The following EMILIN2 variants were observed in gnomAD, a reference collection of about 807,000 sequenced individuals.
EMILIN2 encodes the protein elastin microfibril interfacer 2, also known as EMILIN-2.
In EMILIN2, 71 loss-of-function variants were observed where a neutral mutation model predicts 87.1. The observed-to-expected ratio is 0.82, with a 90% CI of 0.67 to 0.99. The LOEUF is 0.99. Among genes scored for constraint, EMILIN2 ranks in the 50% least tolerant of loss-of-function variants. EMILIN2 has a pLI of 0.00. For missense variants in EMILIN2, 1,407 were observed against 1,371.8 expected, an observed-to-expected ratio of 1.03 and a Z score of -0.40; for synonymous variants, 581 against 563.4, an observed-to-expected ratio of 1.03 and a Z score of -0.44.
At chr18:2,849,006 G>C (rs112720867) in intron 2 of EMILIN2, among the ~76,000 whole-genome samples, 2 of 152,132 alleles carry the variant, frequency 1.3e-5, no homozygotes, top group Non-Finnish European at 2.9e-5. Context: ...ATTCCTGCTC[G>C]GCAAAAACAA....
intron 4 of EMILIN2, among the ~76,000 whole-genome samples, chr18:2,904,349 GTTTA>G (rs995215105): frequency 3.7e-4 from 56 of 152,278 alleles, no homozygotes; most frequent in African/African-American, 1.3e-3. Context: ...GAAGTTGTGT[GTTTA>G]TTTGATAATT....
At chr18:2,866,946 TGA>T (rs1390929427) in intron 2 of EMILIN2, among the ~76,000 whole-genome samples, 1 of 152,236 alleles carries the variant, frequency 6.6e-6, no homozygotes, top group African/African-American at 2.4e-5. Flanking sequence ...CTGCGTCTAT[TGA>T]GATGATCATG....
chr18:2,907,874 T>C (rs2076922230), intron 5 of EMILIN2, among the ~76,000 whole-genome samples: 1 of 152,198 alleles, frequency 6.6e-6, no homozygotes, highest in African/African-American at 2.4e-5. Context: ...GATACATGCA[T>C]AGAACAATGC....
chr18:2,899,797 C>T (rs1014662755), intron 4 of EMILIN2, among the ~76,000 whole-genome samples: 1 of 152,196 alleles, frequency 6.6e-6, no homozygotes, highest in Non-Finnish European at 1.5e-5. Flanking sequence ...AGCCACCGCG[C>T]GCGGCCCAGC....
intron 2 of EMILIN2, among the ~76,000 whole-genome samples, chr18:2,866,063 C>T (rs1353785480): frequency 3.3e-5 from 5 of 152,150 alleles, no homozygotes; most frequent in Non-Finnish European, 7.3e-5. Context: ...TGGAAAAGTG[C>T]AGTATTAGGG....
At position 2,897,355 on chromosome 18, in the gene EMILIN2, T is replaced by G. The variant is rs550636995; in HGVS notation, c.2359+4869T>G. Reference sequence around the variant, plus strand: ...TAAACCCTCCATACCCTAGAATGGATGTTTAATCTATTCATGACTGAACTT... The same window carrying G: ...TAAACCCTCCATACCCTAGAATGGAGGTTTAATCTATTCATGACTGAACTT... On this transcript the variant is annotated intron_variant, in intron 4 of 7. Coordinates refer to ENST00000254528, the MANE Select transcript of EMILIN2 (RefSeq NM_032048.3). 3.9e-5 allele frequency among the ~76,000 whole-genome samples: 6 copies of G among 152,304 alleles called. No homozygotes were observed. The East Asian group carries it at 1.2e-3, about 29-fold the overall frequency.
intron 2 of EMILIN2, among the ~76,000 whole-genome samples, chr18:2,851,001 G>C (rs2076598626): frequency 6.6e-6 from 1 of 151,844 alleles, no homozygotes; most frequent in South Asian, 2.1e-4. Context: ...GTGGGGTGCA[G>C]GCATTGTAAT....
chr18:2,888,696 C>G (rs973525269), intron 3 of EMILIN2, among the ~76,000 whole-genome samples: 33 of 123,862 alleles, frequency 2.7e-4, no homozygotes, highest in Non-Finnish European at 3.7e-4. Flanking sequence ...GCCTGGGCAA[C>G]AGAGGGAGAT....
In EMILIN2 at chr18:2,880,275, C is replaced by CT. The variant is rs199731215; in HGVS notation, c.258-4679dup. On this transcript the variant is annotated intron_variant, in intron 2 of 7. Coordinates refer to ENST00000254528, the MANE Select transcript of EMILIN2 (RefSeq NM_032048.3). The surrounding 1 kb of genome is among the most constrained non-coding windows in gnomAD (Gnocchi z 4.1). ...GGACGCTGACACAACTTTTCCAGGACTTTTTTTTTTGACACCTTCCTTCTC... is the reference window on the plus strand; with the variant it reads ...GGACGCTGACACAACTTTTCCAGGACTTTTTTTTTTTGACACCTTCCTTCTC... 8.5e-3 allele frequency among the ~76,000 whole-genome samples: 1,272 copies of CT among 149,696 alleles called. 18 individuals are homozygous for CT. The highest frequency in any genetic ancestry group is 0.028 in the African/African-American group (1,157 of 40,922).
chr18:2,898,389 C>G, intron 4 of EMILIN2, among the ~76,000 whole-genome samples: 1 of 152,248 alleles, frequency 6.6e-6, no homozygotes. Flanking sequence ...CCTGGCCCCA[C>G]ACACAGGTTG....
chr18:2,847,440 C>A lies in EMILIN2; in HGVS notation c.134+118C>A, dbSNP rs1406828457. The A allele has an allele frequency of 1.8e-6, 2 of 1,129,078 alleles. No individual in the cohort carries two copies. The highest frequency in any genetic ancestry group is 1.6e-5 in the African/African-American group (1 of 61,450). 69.9% of individuals were successfully genotyped at this position (1,129,078 alleles called of 1,614,324 possible). On this transcript the variant is annotated intron_variant, in intron 1 of 7. Transcript: ENST00000254528. This position sits in a 1 kb window ranked among gnomAD's most constrained non-coding sequence, Gnocchi z 4.5. ...GCAGCCGGGGGCCTCCCTTGGACTT[C>A]CCCGGGCGGCTCCCTCTGCGGGGGA...
In EMILIN2 at chr18:2,858,522, CATATATATATATATATATATAT is replaced by C. The variant is rs202158489; in HGVS notation, c.257+10618_257+10639del. Among the ~76,000 whole-genome samples, 199 of 45,750 alleles carry C rather than the reference CATATATATATATATATATATAT, an allele frequency of 4.3e-3. 16 individuals carry two copies. Among genetic ancestry groups the C allele is most frequent in the Middle Eastern group, 0.026 (2 of 78 alleles). 30.0% of individuals were successfully genotyped at this position (45,750 alleles called of 152,430 possible). A position where few individuals can be genotyped will look rare whatever the true frequency, so the allele number is the denominator to read the frequency against. On this transcript the variant is annotated intron_variant, in intron 2 of 7. Coordinates refer to ENST00000254528, the MANE Select transcript of EMILIN2 (RefSeq NM_032048.3). ...TTTTTATAGCTGAGTAGTATTCCAT[CATATATATATATATATATATAT>C]ATATATATATATATATATATATATA...
intron 2 of EMILIN2, among the ~76,000 whole-genome samples, chr18:2,858,682 C>G (rs552006308): frequency 6.7e-6 from 1 of 149,550 alleles, no homozygotes; most frequent in Non-Finnish European, 1.5e-5. Context: ...TGCCCAGGCT[C>G]TGGAGTGCAG....
chr18:2,907,098 G>A lies in EMILIN2; in HGVS notation c.2662+13G>A, dbSNP rs997655633. On this transcript the variant is annotated intron_variant, in intron 5 of 7. Coordinates refer to ENST00000254528, the MANE Select transcript of EMILIN2 (RefSeq NM_032048.3). ...GCGGGCGCACCAGGTGAGGCCCGGG[G>A]CTGCGCGGGGAGGAGCGCGGGGCTC... 1.5e-5 allele frequency: 18 copies of A among 1,235,434 alleles called. No individual in the cohort carries two copies. The highest frequency in any genetic ancestry group is 3.8e-5 in the South Asian group (1 of 26,168). 76.5% of individuals were successfully genotyped at this position (1,235,434 alleles called of 1,614,324 possible). A position where few individuals can be genotyped will look rare whatever the true frequency, so the allele number is the denominator to read the frequency against.
At chr18:2,904,567 C>G (rs2076901204) in intron 4 of EMILIN2, among the ~76,000 whole-genome samples, 1 of 152,190 alleles carries the variant, frequency 6.6e-6, no homozygotes, top group Admixed American at 6.5e-5. Flanking sequence ...TGGCAAGTGC[C>G]TTTTTAATCA....
chr18:2,860,562 T>G (rs2076655798), intron 2 of EMILIN2, among the ~76,000 whole-genome samples: 1 of 152,220 alleles, frequency 6.6e-6, no homozygotes, highest in Non-Finnish European at 1.5e-5. Flanking sequence ...ACAAAGGACA[T>G]GAACTCATCC....
intron 5 of EMILIN2, among the ~76,000 whole-genome samples, chr18:2,908,477 T>C (rs2076925412): frequency 6.6e-6 from 1 of 152,166 alleles, no homozygotes; most frequent in African/African-American, 2.4e-5. Flanking sequence ...CCGTGCACTC[T>C]TCCCTGTGTG....
intron 5 of EMILIN2, among the ~76,000 whole-genome samples, chr18:2,908,312 A>G (rs1439816207): frequency 6.6e-6 from 1 of 152,018 alleles, no homozygotes; most frequent in African/African-American, 2.4e-5. Flanking sequence ...CCACCCACAC[A>G]TGTATCCGTG....
At chr18:2,846,996 A>T, upstream of EMILIN2, 1 of 1,024,358 alleles carries the variant, frequency 9.8e-7, no homozygotes, top group Non-Finnish European at 1.2e-6. The surrounding 1 kb of genome is among the most constrained non-coding windows in gnomAD (Gnocchi z 5.3). Flanking sequence ...CGCAGGGCGC[A>T]CGGGGCTGCA....
Sources: gnomAD v4.1 joint callset for allele counts (sites outside exome capture counted in the v4.1 genomes callset) on GRCh38, gnomAD v4.1.1 for gene constraint, Gnocchi (gnomAD v3.1) non-coding constraint, MANE v1.5 for transcripts, NCBI Gene and HGNC (gene_info 2026-07-23, HGNC 2026-07-21) for gene names.